SMC2: variants seen among roughly 807,000 people sequenced by gnomAD.
SMC2 encodes the protein structural maintenance of chromosomes 2, also known as structural maintenance of chromosomes protein 2.
A neutral mutation model predicts 142.6 loss-of-function variants in SMC2; 41 were observed. The ratio of observed to expected loss-of-function variants is 0.29; its 90% confidence interval spans 0.22 to 0.37. The LOEUF is 0.37. SMC2 is among the 10% of genes least tolerant of loss of function. The pLI is 1.00. For missense variants in SMC2, 1,265 were observed against 1,373.7 expected, an observed-to-expected ratio of 0.92 and a Z score of 1.25; for synonymous variants, 463 against 457.5, an observed-to-expected ratio of 1.01 and a Z score of -0.15.
intron 9 of SMC2, among the ~76,000 whole-genome samples, chr9:104,105,212 C>T (rs1040764444): frequency 6.6e-6 from 1 of 152,194 alleles, no homozygotes; most frequent in Non-Finnish European, 1.5e-5. Flanking sequence ...CCTCTTGGTA[C>T]GTCCTGAGTA....
At chr9:104,113,517 G>A in intron 11 of SMC2, 42 bp downstream of exon 11, 5 of 1,436,834 alleles carry the variant, frequency 3.5e-6, no homozygotes, top group Non-Finnish European at 4.7e-6. Flanking sequence ...TGAGGAGGTA[G>A]TGATTTTTGA....
rs757082503 is a variant in SMC2, at chr9:104,100,197, T to G, written c.585T>G (p.Ile195Met). The G allele has an allele frequency of 6.5e-7, 1 of 1,531,146 alleles. No individual in the cohort carries two copies. Among genetic ancestry groups the G allele is most frequent in the Non-Finnish European group, 8.8e-7 (1 of 1,134,288 alleles). 94.8% of individuals were successfully genotyped at this position (1,531,146 alleles called of 1,614,324 possible). Residue 195 changes from isoleucine to methionine, a missense_variant, in exon 6 of 25, where the codon ATT becomes ATG. This residue lies in a region of SMC2 where 898 missense variants were observed against 904.2 expected (regional missense o/e 0.99). Transcript: ENST00000374793. ...AAAAGGAGGCTAAGCTGAAAGAAAT[T>G]AAGACGGTAATTTAATTCATATAAA... ...IEKKEAKLKE[I>M]KTILEEEITP... is the part of the protein sequence containing the mutation.
intron 9 of SMC2, among the ~76,000 whole-genome samples, chr9:104,104,254 A>G (rs1050469701): frequency 7.9e-5 from 12 of 152,212 alleles, no homozygotes; most frequent in African/African-American, 1.9e-4. Context: ...CAGATTACCA[A>G]CTTGTCTGAA....
chr9:104,110,475 T>C (rs1281134721), intron 9 of SMC2, among the ~76,000 whole-genome samples: 2 of 151,260 alleles, frequency 1.3e-5, no homozygotes, highest in Non-Finnish European at 2.9e-5. Flanking sequence ...TTGTGTTATG[T>C]TATTGGTAAG....
chr9:104,117,804 T>C (rs1456458741), intron 14 of SMC2, among the ~76,000 whole-genome samples: 1 of 152,178 alleles, frequency 6.6e-6, no homozygotes, highest in Admixed American at 6.6e-5. Context: ...CAAACACTTC[T>C]GTTCTAAGCA....
At chr9:104,094,516 C>T (rs1361562787) in intron 1 of SMC2, 39 bp downstream of exon 1, 3 of 330,914 alleles carry the variant, frequency 9.1e-6, no homozygotes, top group Non-Finnish European at 1.6e-5. Context: ...TGGGCCGGGC[C>T]AGACTTCCTG....
chr9:104,101,870 A>G (rs1441265703), intron 7 of SMC2, 90 bp from the exon 8 acceptor site: 5 of 749,232 alleles, frequency 6.7e-6, no homozygotes, highest in Non-Finnish European at 1.1e-5. Flanking sequence ...AAAATCTATT[A>G]TGTAATGAGA....
chr9:104,100,454 G>C (rs1830981323), intron 7 of SMC2, 21 bp downstream of exon 7: 3 of 1,398,092 alleles, frequency 2.1e-6, no homozygotes, highest in South Asian at 2.4e-5. Flanking sequence ...TATATGTGAG[G>C]ATAATCTATT....
chr9:104,123,620 A>C (rs1833961820), intron 17 of SMC2, among the ~76,000 whole-genome samples: 1 of 152,028 alleles, frequency 6.6e-6, no homozygotes, highest in African/African-American at 2.4e-5. Context: ...TTGGGTTTAT[A>C]CTTGTGTGAA....
At chr9:104,102,698 C>T (rs1483016328) in intron 9 of SMC2, 125 bp downstream of exon 9, 3 of 1,012,292 alleles carry the variant, frequency 3.0e-6, no homozygotes, top group Admixed American at 7.0e-5. Flanking sequence ...GTTGTTTGGG[C>T]TGTGGTTACA....
At position 104,113,343 on chromosome 9, in the gene SMC2, C is replaced by G. The variant is rs745491224; in HGVS notation, c.1282C>G (p.Gln428Glu). The change falls in exon 11 of 25, where the codon CAG becomes GAG. Residue 428 changes from glutamine to glutamate, a missense_variant. Physicochemically the swap from Gln to Glu is conservative, Grantham distance 29. This residue lies in a region of SMC2 where 898 missense variants were observed against 904.2 expected (regional missense o/e 0.99). Coordinates refer to ENST00000374793, the MANE Select transcript of SMC2 (RefSeq NM_006444.3). Reference protein sequence around the residue: ...QAQMKLKHAQQELKNKQAEVK... With the variant: ...QAQMKLKHAQEELKNKQAEVK... Reference sequence around the variant, plus strand: ...TCAGATGAAGTTGAAGCATGCTCAACAGGAATTAAAGAATAAACAAGCTGA... The same window carrying G: ...TCAGATGAAGTTGAAGCATGCTCAAGAGGAATTAAAGAATAAACAAGCTGA... 1 of 1,608,262 alleles carries G rather than the reference C, an allele frequency of 6.2e-7. No homozygotes were observed. The highest frequency in any genetic ancestry group is 8.5e-7 in the Non-Finnish European group (1 of 1,177,466).
chr9:104,120,343 G>A (rs1323758818), intron 16 of SMC2, among the ~76,000 whole-genome samples, 181 bp downstream of exon 16: 1 of 152,094 alleles, frequency 6.6e-6, no homozygotes, highest in East Asian at 1.9e-4. Context: ...TCATAAGAGA[G>A]ATGTCTTTGT....
At chr9:104,109,223 T>C (rs1341391360) in intron 9 of SMC2, among the ~76,000 whole-genome samples, 2 of 152,284 alleles carry the variant, frequency 1.3e-5, no homozygotes, top group East Asian at 3.9e-4. Flanking sequence ...TTCCCTCAAC[T>C]ACCCAAACCC....
chr9:104,116,336 C>G lies in SMC2; in HGVS notation c.1791+17C>G, dbSNP rs748479400. ...CAGAATCTTGTAAGTCTCATTTTGT[C>G]TTATTTATATGTTTAATCGTCATCT... is the stretch of plus-strand genomic sequence containing the variant. On this transcript the variant is annotated intron_variant, in intron 14 of 24. Coordinates refer to ENST00000374793, the MANE Select transcript of SMC2 (RefSeq NM_006444.3). 2.1e-5 allele frequency: 33 copies of G among 1,590,450 alleles called. No individual in the cohort carries two copies. The highest frequency in any genetic ancestry group is 8.5e-7 in the Non-Finnish European group (1 of 1,171,206).
intron 16 of SMC2, among the ~76,000 whole-genome samples, chr9:104,122,018 T>G (rs1401643985): frequency 6.6e-6 from 1 of 152,158 alleles, no homozygotes; most frequent in Non-Finnish European, 1.5e-5. Context: ...CTTTCAAACA[T>G]CACATACATG....
At chr9:104,097,508 G>GAAAAAAA (rs59646608) in intron 3 of SMC2, among the ~76,000 whole-genome samples, 1 of 121,874 alleles carries the variant, frequency 8.2e-6, no homozygotes, top group African/African-American at 3.0e-5. Flanking sequence ...GCCTCTGGTT[G>GAAAAAAA]AAAAAAAAAA....
chr9:104,137,670 T>C (rs1564123267), intron 23 of SMC2, among the ~76,000 whole-genome samples: 1 of 151,880 alleles, frequency 6.6e-6, no homozygotes, highest in Non-Finnish European at 1.5e-5. Context: ...CCATAGCTCT[T>C]AACCTGCTAC....
intron 12 of SMC2, 55 bp from the exon 13 acceptor site, chr9:104,114,630 AAAGTAT>A: frequency 7.0e-7 from 1 of 1,435,082 alleles, no homozygotes; most frequent in African/African-American, 1.4e-5. Context: ...CCTGATGAGT[AAAGTAT>A]AACTTTTTCT....
intron 15 of SMC2, among the ~76,000 whole-genome samples, chr9:104,118,992 A>T (rs908428298): frequency 2.0e-5 from 3 of 152,190 alleles, no homozygotes; most frequent in Non-Finnish European, 4.4e-5. Context: ...GTGCTTAAAT[A>T]ACGCACTACA....
Sources: allele counts gnomAD v4.1 joint callset (sites outside exome capture counted in the v4.1 genomes callset), GRCh38; gene constraint gnomAD v4.1.1; regional missense constraint gnomAD v4.1.1; transcripts MANE v1.5; gene names NCBI Gene and HGNC (gene_info 2026-07-23, HGNC 2026-07-21).